The following DHX57 variants were observed in gnomAD, a reference collection of about 807,000 sequenced individuals.
DHX57 encodes DExH-box helicase 57.
A neutral mutation model predicts 156.2 loss-of-function variants in DHX57; 105 were observed. The observed-to-expected ratio is 0.67, with a 90% CI of 0.57 to 0.79. The LOEUF (loss-of-function observed/expected upper bound fraction) is 0.79, where lower values mean the gene tolerates loss of function less well. DHX57 is among the 30% of genes least tolerant of loss of function. The probability of loss-of-function intolerance (pLI) is 0.00; values close to 1 mark genes in which losing one functional copy is unlikely to be tolerated. For missense variants in DHX57, 1,847 were observed against 1,661.9 expected (o/e 1.11, Z -1.94); for synonymous variants, 704 against 595.6 (o/e 1.18, Z -2.65).
chr2:38,833,196 G>A (rs961501820), intron 13 of DHX57, among the ~76,000 whole-genome samples: 3 of 151,914 alleles, frequency 2.0e-5, no homozygotes, highest in Admixed American at 1.3e-4. Flanking sequence ...AGGCTGGAGT[G>A]CGGTGGCGCG....
chr2:38,807,500 G>T (rs548043203), intron 21 of DHX57, among the ~76,000 whole-genome samples: 1 of 151,994 alleles, frequency 6.6e-6, no homozygotes, highest in African/African-American at 2.4e-5. Flanking sequence ...TGGGACTACA[G>T]GCGCCCGCCG....
intron 12 of DHX57, 148 bp from the exon 13 acceptor site, chr2:38,838,095 A>T: frequency 1.6e-6 from 1 of 620,866 alleles, no homozygotes; most frequent in Non-Finnish European, 2.8e-6. Flanking sequence ...ACTGAAATGA[A>T]CTTTTTTCTT....
chr2:38,798,970 A>G lies in DHX57; in HGVS notation c.4018-528T>C, dbSNP rs140825204. Among the ~76,000 whole-genome samples the G allele has an allele frequency of 3.6e-3, 544 of 152,104 alleles. 7 individuals carry two copies. Among genetic ancestry groups the G allele is most frequent in the Middle Eastern group, 3.4e-3 (1 of 294 alleles). Reference sequence around the variant, plus strand: ...CTGCTCCCCAAAAAAGAAAAGATTCAGTCTGGAAGTATGGCTTTTATATAG... The same window carrying G: ...CTGCTCCCCAAAAAAGAAAAGATTCGGTCTGGAAGTATGGCTTTTATATAG... On this transcript the variant is annotated intron_variant, in intron 23 of 23. Transcript: ENST00000457308.
chr2:38,821,914 TAG>T (rs891668907), intron 17 of DHX57, among the ~76,000 whole-genome samples: 2 of 152,014 alleles, frequency 1.3e-5, no homozygotes, highest in Non-Finnish European at 2.9e-5. Flanking sequence ...ATAAAATTCC[TAG>T]AAAAAAATAA....
intron 11 of DHX57, among the ~76,000 whole-genome samples, chr2:38,845,691 A>G (rs1170759493): frequency 6.6e-6 from 1 of 152,170 alleles, no homozygotes; most frequent in Admixed American, 6.5e-5. Context: ...AATCCTCAAG[A>G]TCAGAGACTA....
rs750408030 is a variant in DHX57, at chr2:38,861,116, A to G, written c.1294T>C (p.Tyr432His). 23 of 1,614,036 alleles carry G rather than the reference A, an allele frequency of 1.4e-5. No homozygotes were observed. The highest frequency in any genetic ancestry group is 1.9e-5 in the Non-Finnish European group (23 of 1,180,028). ...AGAAAGTTCACAGGAGGGTCACTAT[A>G]CTTGTGGTGGGTATTCGTTAGTAAC... ...VKLLTNTHHK[Y>H]SDPPVNFLPV... is the part of the protein sequence containing the mutation. Residue 432 changes from tyrosine to histidine, a missense_variant, in exon 5 of 24, where the codon TAT becomes CAT. Tyr to His is a moderately conservative substitution (Grantham distance 83). Coordinates refer to ENST00000457308, the MANE Select transcript of DHX57 (RefSeq NM_198963.3).
chr2:38,855,824 T>C (rs1672867719), intron 7 of DHX57, among the ~76,000 whole-genome samples: 1 of 152,090 alleles, frequency 6.6e-6, no homozygotes, highest in Non-Finnish European at 1.5e-5. Context: ...AGGCTGGGTG[T>C]GGTGACTCAC....
chr2:38,814,084 T>C (rs551025245), intron 20 of DHX57, among the ~76,000 whole-genome samples, 189 bp from the exon 21 acceptor site: 1 of 152,112 alleles, frequency 6.6e-6, no homozygotes, highest in Non-Finnish European at 1.5e-5. Context: ...ATTACAGGCA[T>C]ACACCGCTAT....
intron 13 of DHX57, among the ~76,000 whole-genome samples, chr2:38,835,071 G>C (rs536233769): frequency 1.3e-5 from 2 of 152,140 alleles, no homozygotes; most frequent in Admixed American, 6.5e-5. Flanking sequence ...AAAATATCAA[G>C]ATAACAGAAG....
rs574535201 is a variant in DHX57 at position 38,861,407 on chromosome 2, C to T, written c.1003G>A (p.Glu335Lys). Residue 335 changes from glutamate to lysine, a missense_variant, in exon 5 of 24, where the codon GAA (glutamate) becomes AAA (lysine). Glu to Lys is a moderately conservative substitution (Grantham distance 56, BLOSUM62 1). Coordinates refer to ENST00000457308, the MANE Select transcript of DHX57 (RefSeq NM_198963.3). Reference protein sequence around the residue: ...VPPNQIVGRIERSVDDSHLNA... With the variant: ...VPPNQIVGRIKRSVDDSHLNA... The stretch of plus-strand genomic sequence containing the variant: ...AGATGAGAATCATCTACACTTCTTT[C>T]TATTCTTCCAACAATTTGATTTGGG... 1 of 1,614,080 alleles carries T rather than the reference C, an allele frequency of 6.2e-7. No homozygotes were observed. Among genetic ancestry groups the T allele is most frequent in the South Asian group, 1.1e-5 (1 of 91,074 alleles).
intron 19 of DHX57, 45 bp from the exon 20 acceptor site, chr2:38,815,700 A>G (rs1437472006): frequency 1.2e-6 from 2 of 1,613,230 alleles, no homozygotes; most frequent in Non-Finnish European, 8.5e-7. Context: ...TCAGCATAAC[A>G]AAGTGTTAAG....
chr2:38,813,328 T>G (rs1469284746), intron 21 of DHX57, among the ~76,000 whole-genome samples: 2 of 152,154 alleles, frequency 1.3e-5, no homozygotes, highest in African/African-American at 2.4e-5. Context: ...TATTGAATAA[T>G]GTATCCAAAC....
chr2:38,803,096 AT>A (rs1307239109), intron 22 of DHX57, 181 bp from the exon 23 acceptor site: 1 of 619,500 alleles, frequency 1.6e-6, no homozygotes, highest in Non-Finnish European at 2.8e-6. Context: ...CCTCTTGGAC[AT>A]TTAATACATA....
chr2:38,833,302 C>A (rs1261114190), intron 13 of DHX57, among the ~76,000 whole-genome samples: 1 of 151,926 alleles, frequency 6.6e-6, no homozygotes, highest in African/African-American at 2.4e-5. Context: ...GCCACCATGC[C>A]CAGCTAATTT....
At chr2:38,834,915 T>C (rs1248434314) in intron 13 of DHX57, among the ~76,000 whole-genome samples, 1 of 152,156 alleles carries the variant, frequency 6.6e-6, no homozygotes, top group Non-Finnish European at 1.5e-5. Flanking sequence ...AGTTTTTATG[T>C]GGGAGCAAGA....
chr2:38,870,235 C>A (rs1665289739), intron 1 of DHX57, among the ~76,000 whole-genome samples: 1 of 151,492 alleles, frequency 6.6e-6, no homozygotes, highest in Non-Finnish European at 1.5e-5. Flanking sequence ...ATCAAGGGTA[C>A]CATATACATA....
intron 5 of DHX57, among the ~76,000 whole-genome samples, chr2:38,860,121 G>T (rs1020248596): frequency 6.6e-6 from 1 of 151,286 alleles, no homozygotes; most frequent in African/African-American, 2.4e-5. Context: ...ACCCAGCAGA[G>T]AATTCTTTGA....
At chr2:38,820,355 G>A (rs973804384) in intron 17 of DHX57, among the ~76,000 whole-genome samples, 3 of 150,316 alleles carry the variant, frequency 2.0e-5, no homozygotes, top group African/African-American at 7.4e-5. Context: ...ATCACTAAAC[G>A]AAGGCAGACA....
At position 38,823,360 on chromosome 2, in the gene DHX57, C is replaced by T. The variant is rs188218577; in HGVS notation, c.3015-91G>A. ...TTCTTTTGTGAGTGATAATAATTTA[C>T]AAGTTTAAATAAAAAATTTTAAAAT... On this transcript the variant is annotated intron_variant, in intron 16 of 23. Coordinates refer to ENST00000457308, the MANE Select transcript of DHX57 (RefSeq NM_198963.3). The T allele has an allele frequency of 5.5e-4, 718 of 1,295,714 alleles. 1 individual carries two copies. The highest frequency in any genetic ancestry group is 5.5e-3 in the Middle Eastern group (20 of 3,628). The allele number at this position is 1,295,714 out of a possible 1,614,324, so 80.3% of individuals were successfully genotyped here. A position where few individuals can be genotyped will look rare whatever the true frequency, so the allele number is the denominator to read the frequency against.
Sources: allele counts gnomAD v4.1 joint callset (sites outside exome capture counted in the v4.1 genomes callset), GRCh38; gene constraint gnomAD v4.1.1; transcripts MANE v1.5; gene names NCBI Gene and HGNC (gene_info 2026-07-23, HGNC 2026-07-21).